The following ACOXL variants were observed in gnomAD, a reference collection of about 807,000 sequenced individuals.
The protein encoded by ACOXL is acyl-CoA oxidase like.
In ACOXL, 70 loss-of-function variants were observed where a neutral mutation model predicts 71.9. The ratio of observed to expected loss-of-function variants is 0.97; its 90% CI spans 0.80 to 1.19. The LOEUF (loss-of-function observed/expected upper bound fraction) is 1.19, where lower values mean the gene tolerates loss of function less well. ACOXL is among the 50% of genes most tolerant of loss of function. The pLI, the probability that ACOXL is intolerant of heterozygous loss-of-function variation, is 0.00. For synonymous variants in ACOXL, 253 were observed against 281.6 expected (o/e 0.90, Z 1.02); for missense variants, 703 against 736.3 (o/e 0.95, Z 0.52).
intron 16 of ACOXL, among the ~76,000 whole-genome samples, chr2:111,089,241 A>G (rs941249574): frequency 6.6e-6 from 1 of 152,232 alleles, no homozygotes; most frequent in African/African-American, 2.4e-5. Context: ...TGGAGGTTGT[A>G]GTGAGCCAAG....
chr2:111,036,111 G>C (rs1254127847), intron 15 of ACOXL, among the ~76,000 whole-genome samples: 1 of 152,224 alleles, frequency 6.6e-6, no homozygotes, highest in African/African-American at 2.4e-5. Flanking sequence ...AGAACCAGAA[G>C]TTGTAAGACA....
At chr2:110,927,392 G>A (rs1200563388) in intron 11 of ACOXL, among the ~76,000 whole-genome samples, 1 of 152,152 alleles carries the variant, frequency 6.6e-6, no homozygotes, top group African/African-American at 2.4e-5. Flanking sequence ...TCCACCTGCT[G>A]GGCCTTCCCA....
intron 9 of ACOXL, among the ~76,000 whole-genome samples, chr2:110,837,739 T>C (rs1690628593): frequency 6.6e-6 from 1 of 152,166 alleles, no homozygotes; most frequent in Admixed American, 6.5e-5. Context: ...GAATTACTCT[T>C]TCCTTGCCAT....
intron 12 of ACOXL, among the ~76,000 whole-genome samples, chr2:110,983,004 G>A (rs2062781493): frequency 1.3e-5 from 2 of 152,198 alleles, no homozygotes; most frequent in Admixed American, 1.3e-4. Context: ...AGGGCTCCTT[G>A]GAGCATGATA....
At chr2:111,108,009 C>G (rs1404025222) in intron 17 of ACOXL, among the ~76,000 whole-genome samples, 2 of 152,186 alleles carry the variant, frequency 1.3e-5, no homozygotes, top group Non-Finnish European at 1.5e-5. Flanking sequence ...CCTTTCTAAT[C>G]TTTGCTGGCT....
chr2:110,928,278 C>T (rs967474575), intron 11 of ACOXL, among the ~76,000 whole-genome samples: 3 of 152,228 alleles, frequency 2.0e-5, no homozygotes, highest in Non-Finnish European at 2.9e-5. Context: ...CATTTAATGT[C>T]TCAAGACAAA....
At chr2:111,114,746 T>C (rs2070227550) in intron 17 of ACOXL, among the ~76,000 whole-genome samples, 1 of 152,066 alleles carries the variant, frequency 6.6e-6, no homozygotes, top group African/African-American at 2.4e-5. Context: ...CTGCCCATCC[T>C]TGGCCATCCT....
intron 3 of ACOXL, among the ~76,000 whole-genome samples, chr2:110,786,581 T>C (rs1257122322): frequency 6.6e-6 from 1 of 152,218 alleles, no homozygotes; most frequent in Admixed American, 6.5e-5. Context: ...ACCCCCACCC[T>C]ACTCTGCCAT....
At chr2:110,963,188 C>T (rs1024239798) in intron 12 of ACOXL, among the ~76,000 whole-genome samples, 3 of 151,808 alleles carry the variant, frequency 2.0e-5, no homozygotes, top group Admixed American at 6.6e-5. Flanking sequence ...TGCTGCCTCC[C>T]GAGGAGTTTT....
chr2:110,775,490 A>G (rs746515669), intron 2 of ACOXL, among the ~76,000 whole-genome samples: 26 of 152,172 alleles, frequency 1.7e-4, no homozygotes, highest in Non-Finnish European at 2.5e-4. Context: ...TGCATGTTAT[A>G]TGTCTGATAA....
At chr2:111,020,853 C>G (rs1192512342) in intron 14 of ACOXL, among the ~76,000 whole-genome samples, 2 of 152,214 alleles carry the variant, frequency 1.3e-5, no homozygotes, top group African/African-American at 4.8e-5. Flanking sequence ...AGATGTTGAA[C>G]TCTTCTGAGA....
intron 12 of ACOXL, among the ~76,000 whole-genome samples, chr2:110,961,336 A>G (rs1008995085): frequency 2.0e-5 from 3 of 152,188 alleles, no homozygotes; most frequent in Admixed American, 6.5e-5. Context: ...TGAAGAGCTG[A>G]TACAAAACAT....
chr2:110,831,166 C>G (rs1489802766), intron 9 of ACOXL, among the ~76,000 whole-genome samples: 1 of 151,990 alleles, frequency 6.6e-6, no homozygotes, highest in Non-Finnish European at 1.5e-5. Flanking sequence ...AAATAAGAGG[C>G]ATAAAGATCA....
At chr2:110,882,918 G>T (rs1189609314) in intron 10 of ACOXL, among the ~76,000 whole-genome samples, 1 of 152,146 alleles carries the variant, frequency 6.6e-6, no homozygotes, top group Non-Finnish European at 1.5e-5. Flanking sequence ...TTGTTTGCAT[G>T]TATTTCAAAG....
At chr2:111,064,398 T>G (rs1442201689) in intron 16 of ACOXL, among the ~76,000 whole-genome samples, 1 of 137,818 alleles carries the variant, frequency 7.3e-6, no homozygotes. Context: ...ATTGCGCCAC[T>G]GCAGCCCGGA....
At chr2:110,965,112 A>G (rs555263092) in intron 12 of ACOXL, among the ~76,000 whole-genome samples, 1 of 152,338 alleles carries the variant, frequency 6.6e-6, no homozygotes, top group East Asian at 1.9e-4. Flanking sequence ...TTCACTTAAC[A>G]TAATGACCTC....
chr2:110,960,389 G>A (rs1046786839), intron 12 of ACOXL, among the ~76,000 whole-genome samples: 4 of 152,220 alleles, frequency 2.6e-5, no homozygotes, highest in African/African-American at 7.2e-5. Flanking sequence ...ACACGCCGTG[G>A]TGCTGGTCTG....
Position 110,908,777 on chromosome 2 carries a change from G to T in ACOXL, c.789-12G>T. The stretch of plus-strand genomic sequence containing the variant: ...GATTTTGGTAAAAATCGTGTCTGTT[G>T]ATTCCCTCTAGCCGGAGGCAGTTTG... On this transcript the variant is annotated splice_polypyrimidine_tract_variant and intron_variant, in intron 10 of 17. Coordinates refer to ENST00000439055, the MANE Select transcript of ACOXL (RefSeq NM_001142807.4). 6.2e-7 allele frequency: 1 copy of T among 1,608,934 alleles called. No homozygotes were observed. Among genetic ancestry groups the T allele is most frequent in the Non-Finnish European group, 8.5e-7 (1 of 1,175,828 alleles).
chr2:110,885,839 G>A lies in ACOXL; in HGVS notation c.789-22950G>A, dbSNP rs566899446. ...ATATAAGCTATTTCTTTTGGAATATGGCTCAGCTGCTCGTAGCTGTTACAC... is the reference window on the plus strand; with the variant it reads ...ATATAAGCTATTTCTTTTGGAATATAGCTCAGCTGCTCGTAGCTGTTACAC... On this transcript the variant is annotated intron_variant, in intron 10 of 17. Coordinates refer to ENST00000439055, the MANE Select transcript of ACOXL (RefSeq NM_001142807.4). Among the ~76,000 whole-genome samples the A allele has an allele frequency of 1.7e-3, 253 of 152,266 alleles. 1 individual carries two copies. The highest frequency in any genetic ancestry group is 1.4e-3 in the Non-Finnish European group (93 of 68,000).
Sources: gnomAD v4.1 joint callset for allele counts (sites outside exome capture counted in the v4.1 genomes callset) on GRCh38, gnomAD v4.1.1 for gene constraint, MANE v1.5 for transcripts, NCBI Gene and HGNC (gene_info 2026-07-23, HGNC 2026-07-21) for gene names.